SLC9C2: variants seen among roughly 807,000 people sequenced by gnomAD.
SLC9C2 encodes solute carrier family 9 member C2 (putative), also known as sodium/hydrogen exchanger 11.
SLC9C2 carries 75 observed loss-of-function variants against 140.2 expected under a neutral mutation model. The ratio of observed to expected loss-of-function variants is 0.53; its 90% CI spans 0.44 to 0.65. SLC9C2 has a LOEUF of 0.65. SLC9C2 is among the 30% of genes least tolerant of loss of function. The probability of loss-of-function intolerance (pLI) is 0.00; values close to 1 mark genes in which losing one functional copy is unlikely to be tolerated. For synonymous variants in SLC9C2, 375 were observed against 420.9 expected (o/e 0.89, Z 1.34); for missense variants, 1,074 against 1,331.8 (o/e 0.81, Z 3.01).
At chr1:173,536,258 C>CT (rs1434157228) in intron 14 of SLC9C2, among the ~76,000 whole-genome samples, 2 of 152,184 alleles carry the variant, frequency 1.3e-5, no homozygotes, top group African/African-American at 2.4e-5. Context: ...CTCCAAGGCC[C>CT]TGAAAGCTCT....
chr1:173,591,486 CCCA>C lies in SLC9C2; in HGVS notation c.358-3659_358-3657del, dbSNP rs1384843850. ...CACAGTGGTTGAACTAATTTACACT[CCCA>C]CCAAGATTGTATAAGTATTCCCTTT... On this transcript the variant is annotated intron_variant, in intron 4 of 27. Coordinates refer to ENST00000367714, the MANE Select transcript of SLC9C2 (RefSeq NM_178527.4). Among the ~76,000 whole-genome samples, 14 of 152,206 alleles carry C rather than the reference CCCA, an allele frequency of 9.2e-5. 2 individuals carry two copies. The highest frequency in any genetic ancestry group is 3.4e-4 in the African/African-American group (14 of 41,538).
chr1:173,513,578 T>A (rs1301982185), intron 23 of SLC9C2, among the ~76,000 whole-genome samples: 2 of 152,108 alleles, frequency 1.3e-5, no homozygotes, highest in Non-Finnish European at 2.9e-5. Flanking sequence ...AGCGGTCTAT[T>A]TTGTTAATTT....
At chr1:173,543,334 A>T (rs893752770) in intron 13 of SLC9C2, among the ~76,000 whole-genome samples, 2 of 152,342 alleles carry the variant, frequency 1.3e-5, no homozygotes, top group African/African-American at 4.8e-5. Context: ...ACTACAAACC[A>T]CTGCTCAATG....
intron 11 of SLC9C2, among the ~76,000 whole-genome samples, chr1:173,549,335 T>C (rs553676692): frequency 2.0e-4 from 31 of 152,336 alleles, no homozygotes; most frequent in Admixed American, 1.8e-3. Flanking sequence ...TGTAGGGATA[T>C]CCCTCTCAAA....
chr1:173,534,942 A>C (rs1661834182), intron 15 of SLC9C2, among the ~76,000 whole-genome samples: 1 of 152,034 alleles, frequency 6.6e-6, no homozygotes, highest in South Asian at 2.1e-4. Context: ...GAAACAATGC[A>C]AAGATTCATA....
At chr1:173,523,904 A>G in intron 21 of SLC9C2, 65 bp downstream of exon 21, 1 of 1,551,826 alleles carries the variant, frequency 6.4e-7, no homozygotes, top group Non-Finnish European at 8.7e-7. Flanking sequence ...ATCTTTCATT[A>G]GGGAGTGGAA....
At chr1:173,567,805 TTAATTC>T (rs1378310259) in intron 9 of SLC9C2, among the ~76,000 whole-genome samples, 1 of 152,100 alleles carries the variant, frequency 6.6e-6, no homozygotes, top group East Asian at 1.9e-4. Context: ...TTTCTTGCTT[TTAATTC>T]TTTGTGTATC....
chr1:173,591,167 A>G (rs1462236292), intron 4 of SLC9C2, among the ~76,000 whole-genome samples: 1 of 152,184 alleles, frequency 6.6e-6, no homozygotes, highest in East Asian at 1.9e-4. Context: ...TGGTAAGGAT[A>G]ATAGCCTCCA....
At position 173,573,197 on chromosome 1, in the gene SLC9C2, G is replaced by C. The variant is rs1664948669; in HGVS notation, c.1031C>G (p.Thr344Arg). 1 of 1,555,638 alleles carries C rather than the reference G, an allele frequency of 6.4e-7. No homozygotes were observed. The highest frequency in any genetic ancestry group is 1.2e-5 in the South Asian group (1 of 85,116). ...TIPFIFILFT[T>R]VNLVRLLTIL... ...TTATTCTTACCTTACCAAATTCACT[G>C]TTGTAAATAAAATGAATATGAAAGG... Residue 344 changes from threonine (T) to arginine (R), a missense_variant, in exon 9 of 28, where the codon ACA (threonine) becomes AGA (arginine). Coordinates refer to ENST00000367714, the MANE Select transcript of SLC9C2 (RefSeq NM_178527.4).
At chr1:173,555,530 G>A (rs958512854) in intron 10 of SLC9C2, among the ~76,000 whole-genome samples, 2 of 152,182 alleles carry the variant, frequency 1.3e-5, no homozygotes, top group Non-Finnish European at 2.9e-5. Flanking sequence ...TGATTCTGTA[G>A]GTCTAGGGTG....
chr1:173,563,511 A>C (rs1172605142), intron 9 of SLC9C2, among the ~76,000 whole-genome samples: 1 of 152,166 alleles, frequency 6.6e-6, no homozygotes, highest in East Asian at 1.9e-4. Flanking sequence ...AAAACAATAC[A>C]TGAATACTGA....
At chr1:173,599,062 G>A (rs577897761) in intron 3 of SLC9C2, among the ~76,000 whole-genome samples, 5 of 152,314 alleles carry the variant, frequency 3.3e-5, no homozygotes, top group African/African-American at 1.2e-4. Flanking sequence ...GAATCTGGCA[G>A]TGACCATGCC....
chr1:173,601,835 C>T lies in SLC9C2; in HGVS notation c.-59G>A. On this transcript the variant is annotated 5_prime_UTR_variant, in exon 2 of 28. The change creates a new upstream start codon in the 5' untranslated region. Coordinates refer to ENST00000367714, the MANE Select transcript of SLC9C2 (RefSeq NM_178527.4). The stretch of plus-strand genomic sequence containing the variant: ...TGGAGTGGTTTGGTTATTATTGACA[C>T]TTTCACTTCTGCATGCTAACCTGTA... 2 of 1,600,208 alleles carry T rather than the reference C, an allele frequency of 1.2e-6. No homozygotes were observed. The highest frequency in any genetic ancestry group is 1.3e-5 in the African/African-American group (1 of 74,656).
chr1:173,522,494 C>T (rs930784605), intron 21 of SLC9C2, among the ~76,000 whole-genome samples: 3 of 152,152 alleles, frequency 2.0e-5, no homozygotes, highest in Admixed American at 6.5e-5. Context: ...CATCAGCAGG[C>T]GCAGTGCCTG....
At chr1:173,515,711 G>T (rs917444107) in intron 23 of SLC9C2, among the ~76,000 whole-genome samples, 1 of 152,160 alleles carries the variant, frequency 6.6e-6, no homozygotes, top group African/African-American at 2.4e-5. Context: ...TGCTGGACAG[G>T]CATTGCGATC....
intron 4 of SLC9C2, 24 bp downstream of exon 4, chr1:173,597,880 A>T: frequency 4.5e-6 from 7 of 1,557,072 alleles, no homozygotes; most frequent in Non-Finnish European, 6.1e-6. Flanking sequence ...AATTGATCGT[A>T]CTTTGTTTTA....
intron 13 of SLC9C2, among the ~76,000 whole-genome samples, chr1:173,538,301 AG>A (rs1435101381): frequency 1.3e-5 from 2 of 152,242 alleles, no homozygotes; most frequent in Admixed American, 1.3e-4. Flanking sequence ...CCAGAAGTTC[AG>A]TCCTGAGGCC....
intron 26 of SLC9C2, among the ~76,000 whole-genome samples, chr1:173,504,719 T>C (rs541549739): frequency 6.6e-6 from 1 of 152,334 alleles, no homozygotes; most frequent in Admixed American, 6.5e-5. Flanking sequence ...TGTATAATGC[T>C]TAGCACCATG....
intron 10 of SLC9C2, among the ~76,000 whole-genome samples, chr1:173,556,437 T>C (rs1283969724): frequency 6.6e-6 from 1 of 152,204 alleles, no homozygotes; most frequent in Non-Finnish European, 1.5e-5. Flanking sequence ...TTTCGAGAAA[T>C]AAATTTTTTA....
Sources: allele counts gnomAD v4.1 joint callset (sites outside exome capture counted in the v4.1 genomes callset), GRCh38; gene constraint gnomAD v4.1.1; transcripts MANE v1.5; gene names NCBI Gene and HGNC (gene_info 2026-07-23, HGNC 2026-07-21).